SPIDR: variants seen among roughly 807,000 people sequenced by gnomAD.
SPIDR encodes scaffold protein involved in DNA repair, also known as DNA repair-scaffolding protein.
A neutral mutation model predicts 104.6 loss-of-function variants in SPIDR; 93 were observed. The observed-to-expected ratio is 0.89, with a 90% CI of 0.75 to 1.06. The LOEUF is 1.06. Ranked by LOEUF, SPIDR falls within the 50% of genes least tolerant of loss-of-function variation. The probability of loss-of-function intolerance (pLI) is 0.00; values close to 1 mark genes in which losing one functional copy is unlikely to be tolerated. For synonymous variants in SPIDR, 431 were observed against 416.9 expected, an observed-to-expected ratio of 1.03 and a Z score of -0.41; for missense variants, 1,154 against 1,111.2, an observed-to-expected ratio of 1.04 and a Z score of -0.55.
In SPIDR at chr8:47,406,650, C is replaced by T. The variant is rs370276723; in HGVS notation, c.777-1211C>T. On this transcript the variant is annotated intron_variant, in intron 6 of 19. Coordinates refer to ENST00000297423, the MANE Select transcript of SPIDR (RefSeq NM_001080394.4). ...ATATTATGTATTTATTAAAATATTTCCATCATAATGGAAAGATCTGTATAT... is the reference window on the plus strand; with the variant it reads ...ATATTATGTATTTATTAAAATATTTTCATCATAATGGAAAGATCTGTATAT... Among the ~76,000 whole-genome samples the T allele has an allele frequency of 2.0e-4, 31 of 152,192 alleles. 1 individual carries two copies. The highest frequency in any genetic ancestry group is 7.2e-4 in the African/African-American group (30 of 41,526).
At chr8:47,570,561 C>T (rs2058388702) in intron 8 of SPIDR, among the ~76,000 whole-genome samples, 1 of 152,064 alleles carries the variant, frequency 6.6e-6, no homozygotes, top group South Asian at 2.1e-4. Context: ...AAATATTGCA[C>T]ATCATCAAGA....
At chr8:47,530,260 G>A (rs764046397) in intron 8 of SPIDR, among the ~76,000 whole-genome samples, 2 of 152,166 alleles carry the variant, frequency 1.3e-5, no homozygotes, top group Non-Finnish European at 2.9e-5. Flanking sequence ...TTGAGGCCAG[G>A]AGTTCCAGAC....
chr8:47,280,937 G>A (rs901251735), intron 2 of SPIDR, among the ~76,000 whole-genome samples: 6 of 152,156 alleles, frequency 3.9e-5, no homozygotes, highest in African/African-American at 9.7e-5. Context: ...AAACCATTGA[G>A]CATACTACTC....
At chr8:47,718,765 CT>C (rs908877546) in intron 16 of SPIDR, among the ~76,000 whole-genome samples, 1 of 151,332 alleles carries the variant, frequency 6.6e-6, no homozygotes, top group African/African-American at 2.4e-5. Context: ...TGGCAGGATT[CT>C]TTTTTTTTCC....
chr8:47,436,431 G>A (rs2068336491), intron 7 of SPIDR, among the ~76,000 whole-genome samples: 1 of 152,088 alleles, frequency 6.6e-6, no homozygotes, highest in African/African-American at 2.4e-5. Context: ...TGGATTAAAA[G>A]CTTGCTTCTG....
At chr8:47,265,188 C>CTTTTTTTTT (rs397892978) in intron 1 of SPIDR, among the ~76,000 whole-genome samples, 3 of 108,996 alleles carry the variant, frequency 2.8e-5, no homozygotes, top group African/African-American at 7.6e-5. Context: ...TCTCAGTTGT[C>CTTTTTTTTT]TTTTTTTTTT....
intron 19 of SPIDR, among the ~76,000 whole-genome samples, chr8:47,734,392 C>T (rs1589652040): frequency 1.3e-5 from 2 of 152,166 alleles, no homozygotes; most frequent in Admixed American, 1.3e-4. Context: ...GGGAAGGGCA[C>T]CAAGGAGCCA....
chr8:47,292,225 A>G (rs1281857886), intron 4 of SPIDR, among the ~76,000 whole-genome samples: 1 of 152,154 alleles, frequency 6.6e-6, no homozygotes, highest in South Asian at 2.1e-4. Context: ...TTAACTCTTG[A>G]CGGTTCATGT....
At chr8:47,632,068 C>T (rs1175919769) in intron 10 of SPIDR, among the ~76,000 whole-genome samples, 1 of 152,168 alleles carries the variant, frequency 6.6e-6, no homozygotes, top group East Asian at 1.9e-4. Flanking sequence ...GTTAAATCCT[C>T]TGGAATGGAC....
At chr8:47,587,074 G>C (rs1040930647) in intron 8 of SPIDR, among the ~76,000 whole-genome samples, 9 of 151,922 alleles carry the variant, frequency 5.9e-5, no homozygotes. Context: ...TCGGCCTCAA[G>C]TTCATTTTAA....
At chr8:47,656,033 A>T (rs1170498316) in intron 10 of SPIDR, among the ~76,000 whole-genome samples, 1 of 152,236 alleles carries the variant, frequency 6.6e-6, no homozygotes, top group Non-Finnish European at 1.5e-5. Context: ...ATTAAGGTGG[A>T]CACCTGCCTC....
intron 10 of SPIDR, among the ~76,000 whole-genome samples, chr8:47,644,533 A>G (rs2069904844): frequency 6.6e-6 from 1 of 152,252 alleles, no homozygotes; most frequent in Admixed American, 6.5e-5. Flanking sequence ...TCTCCAGAAT[A>G]AAGTAAATAA....
At chr8:47,558,630 A>T (rs1202185847) in intron 8 of SPIDR, among the ~76,000 whole-genome samples, 43 of 6,450 alleles carry the variant, frequency 6.7e-3, no homozygotes, top group Non-Finnish European at 1.5e-3. Flanking sequence ...ATCTAGCTTC[A>T]CCTTTTTTTT....
chr8:47,270,865 T>C (rs1396587620), intron 1 of SPIDR, among the ~76,000 whole-genome samples: 3 of 152,210 alleles, frequency 2.0e-5, no homozygotes, highest in African/African-American at 7.2e-5. Flanking sequence ...TTGTGAATTT[T>C]CATTTTATTT....
intron 7 of SPIDR, among the ~76,000 whole-genome samples, chr8:47,428,431 T>C (rs1377559005): frequency 6.6e-6 from 1 of 152,232 alleles, no homozygotes; most frequent in Non-Finnish European, 1.5e-5. Context: ...CTTTATTTAA[T>C]TAAAAAATAA....
At chr8:47,447,182 A>G (rs1478456883) in intron 8 of SPIDR, among the ~76,000 whole-genome samples, 1 of 152,166 alleles carries the variant, frequency 6.6e-6, no homozygotes, top group Non-Finnish European at 1.5e-5. Flanking sequence ...GTTGGTTCTT[A>G]TGAATGAGCA....
intron 10 of SPIDR, among the ~76,000 whole-genome samples, chr8:47,602,052 A>C (rs1202804064): frequency 3.3e-5 from 5 of 152,282 alleles, no homozygotes; most frequent in Non-Finnish European, 5.9e-5. Context: ...CTTAGAGAAT[A>C]TATCTGCCTT....
At chr8:47,513,441 A>G (rs1033277908) in intron 8 of SPIDR, among the ~76,000 whole-genome samples, 1 of 152,226 alleles carries the variant, frequency 6.6e-6, no homozygotes, top group African/African-American at 2.4e-5. Context: ...AAAATGTTAT[A>G]CTTTTTAAAA....
chr8:47,614,496 A>G (rs2064019816), intron 10 of SPIDR, among the ~76,000 whole-genome samples: 1 of 152,196 alleles, frequency 6.6e-6, no homozygotes, highest in African/African-American at 2.4e-5. Context: ...TGCTGGAATT[A>G]TAGGCGTAAG....
Sources: gnomAD v4.1 joint callset for allele counts (sites outside exome capture counted in the v4.1 genomes callset) on GRCh38, gnomAD v4.1.1 for gene constraint, MANE v1.5 for transcripts, NCBI Gene and HGNC (gene_info 2026-07-23, HGNC 2026-07-21) for gene names.